GAD1: variants seen among roughly 807,000 people sequenced by gnomAD.
The protein encoded by GAD1 is 67 kDa glutamic acid decarboxylase.
In GAD1, 35 loss-of-function variants were observed where a neutral mutation model predicts 75.2. The observed-to-expected ratio is 0.47, with a 90% CI of 0.36 to 0.62. The LOEUF is 0.62. Ranked by LOEUF, GAD1 falls within the 20% of genes least tolerant of loss-of-function variation. The probability of loss-of-function intolerance (pLI) is 0.00; values close to 1 mark genes in which losing one functional copy is unlikely to be tolerated. For synonymous variants in GAD1, 257 were observed against 271.9 expected, an observed-to-expected ratio of 0.95 and a Z score of 0.54; for missense variants, 490 against 758.5, an observed-to-expected ratio of 0.65 and a Z score of 4.16.
chr2:170,822,242 G>A (rs1031855709), intron 3 of GAD1, 93 bp downstream of exon 3: 7 of 1,020,242 alleles, frequency 6.9e-6, no homozygotes, highest in Non-Finnish European at 1.1e-5. Context: ...AGGGGGATCC[G>A]GGCTCATGGG....
intron 7 of GAD1, chr2:170,845,234 T>C (rs1263553040): frequency 5.8e-6 from 3 of 515,336 alleles, no homozygotes; most frequent in Non-Finnish European, 1.1e-5. Context: ...TATATTTCTG[T>C]CTAGACTTCA....
intron 6 of GAD1, 110 bp from the exon 7 acceptor site, chr2:170,843,935 A>G: frequency 1.4e-6 from 1 of 712,620 alleles, no homozygotes; most frequent in South Asian, 1.5e-5. Flanking sequence ...GGTTTGGAAC[A>G]GCTTTTTTTT....
rs1260439937 is a variant in GAD1, at chr2:170,853,768, GATTGC to G, written c.1264-102_1264-98del. 43 of 1,091,856 alleles carry G rather than the reference GATTGC, an allele frequency of 3.9e-5. 1 individual carries two copies. The Admixed American group carries it at 6.1e-4, about 16-fold the overall frequency. 67.6% of individuals were successfully genotyped at this position (1,091,856 alleles called of 1,614,324 possible). ...GGCCTCATAAAGACATCAGAAGAAA[GATTGC>G]ATATGACCCCAAGCCCCTCCTTCCA... On this transcript the variant is annotated intron_variant, in intron 13 of 16. Transcript: ENST00000358196. This position sits in a 1 kb window ranked among gnomAD's most constrained non-coding sequence, Gnocchi z 4.1.
chr2:170,822,491 G>GGTGC (rs982003064), intron 3 of GAD1, among the ~76,000 whole-genome samples: 22 of 152,220 alleles, frequency 1.4e-4, no homozygotes, highest in Non-Finnish European at 2.8e-4. Context: ...GCTCCCACCC[G>GGTGC]GTGCCGTGCA....
chr2:170,859,220 A>G (rs1468431406), intron 16 of GAD1, among the ~76,000 whole-genome samples: 2 of 152,228 alleles, frequency 1.3e-5, no homozygotes. Context: ...TGTGTCTGTT[A>G]CAATAACATT....
intron 12 of GAD1, among the ~76,000 whole-genome samples, chr2:170,851,116 A>G (rs1373374706): frequency 6.6e-6 from 1 of 152,234 alleles, no homozygotes; most frequent in Admixed American, 6.5e-5. Context: ...AGGAAAACTT[A>G]AAACATTTCA....
intron 3 of GAD1, chr2:170,828,910 CT>C (rs1183611608): frequency 1.9e-5 from 4 of 211,206 alleles, no homozygotes; most frequent in Non-Finnish European, 2.9e-5. Context: ...TCTCCTTCCT[CT>C]GCTGTCCTCA....
intron 4 of GAD1, 64 bp from the exon 5 acceptor site, chr2:170,830,886 C>G (rs1575431314): frequency 6.2e-7 from 1 of 1,607,718 alleles, no homozygotes; most frequent in African/African-American, 1.3e-5. Flanking sequence ...TATTAGGGGT[C>G]TCTGGGCTGA....
At position 170,845,890 on chromosome 2, in the gene GAD1, C is replaced by T. The variant is rs189949060; in HGVS notation, c.947+105C>T. 271 of 1,444,848 alleles carry T rather than the reference C, an allele frequency of 1.9e-4. 1 individual carries two copies. In the African/African-American group the frequency reaches 3.1e-3, roughly 17 times the overall value. 89.5% of individuals were successfully genotyped at this position (1,444,848 alleles called of 1,614,324 possible). On this transcript the variant is annotated intron_variant, in intron 9 of 16. Transcript: ENST00000358196. ...GACTGGCTCAGTACATTGTGCCAAG[C>T]TGCTAATGGTCTGTTGAAAATATCC...
chr2:170,848,496 CAAA>C (rs368907107), intron 11 of GAD1, among the ~76,000 whole-genome samples: 7 of 64,046 alleles, frequency 1.1e-4, no homozygotes, highest in Admixed American at 1.5e-4. Flanking sequence ...AACTCTGTCT[CAAA>C]AAAAAAAAAA....
At position 170,818,285 on chromosome 2, in the gene GAD1, C is replaced by T. The variant is rs1436047599; in HGVS notation, c.-63-244C>T. 3 of 396,720 alleles carry T rather than the reference C, an allele frequency of 7.6e-6. No homozygotes were observed. Among genetic ancestry groups the T allele is most frequent in the Non-Finnish European group, 1.4e-5 (3 of 214,298 alleles). 24.6% of individuals were successfully genotyped at this position (396,720 alleles called of 1,614,324 possible). A position where few individuals can be genotyped will look rare whatever the true frequency, so the allele number is the denominator to read the frequency against. On this transcript the variant is annotated intron_variant, in intron 1 of 16. Transcript: ENST00000358196. This position sits in a 1 kb window ranked among gnomAD's most constrained non-coding sequence, Gnocchi z 5.9. ...CTTCACTCCAGGTCGCGCCGATGCA[C>T]CGCCAGACTCGAGAGCGGCCCAGGG... is the stretch of plus-strand genomic sequence containing the variant.
At position 170,831,086 on chromosome 2, in the gene GAD1, G is replaced by C; in HGVS notation, c.441G>C (p.Leu147Phe). The C allele has an allele frequency of 6.2e-7, 1 of 1,614,184 alleles. No homozygotes were observed. Among genetic ancestry groups the C allele is most frequent in the Non-Finnish European group, 8.5e-7 (1 of 1,180,032 alleles). The part of the protein sequence containing the change: ...KVLDFHHPHQ[L>F]LEGMEGFNLE... ...TGGACTTTCATCACCCACACCAGTTGCTGGAAGGCATGGAGGGCTTCAACT... is the reference window on the plus strand; with the variant it reads ...TGGACTTTCATCACCCACACCAGTTCCTGGAAGGCATGGAGGGCTTCAACT... Residue 147 changes from leucine (L) to phenylalanine (F), a missense_variant, in exon 5 of 17, where the codon TTG becomes TTC. Leu to Phe is a conservative substitution (Grantham distance 22). Around this residue, in one of 3 missense-constraint regions of GAD1, gnomAD observed 165 missense variants for 216.4 expected, o/e 0.76. Coordinates refer to ENST00000358196, the MANE Select transcript of GAD1 (RefSeq NM_000817.3).
At chr2:170,825,733 C>T (rs925714865) in intron 3 of GAD1, among the ~76,000 whole-genome samples, 3 of 152,216 alleles carry the variant, frequency 2.0e-5, no homozygotes, top group Non-Finnish European at 4.4e-5. Flanking sequence ...TCTCCCCTTG[C>T]GGCTGGCCAG....
chr2:170,826,588 G>A (rs1395234403), intron 3 of GAD1, among the ~76,000 whole-genome samples: 1 of 141,824 alleles, frequency 7.1e-6, no homozygotes, highest in Non-Finnish European at 1.6e-5. Context: ...AAAAAAAGCT[G>A]TGGCATAACG....
In GAD1 at chr2:170,860,645, T is replaced by C. The variant is rs1265830821; in HGVS notation, c.*763T>C. 2 of 152,670 alleles carry C rather than the reference T, an allele frequency of 1.3e-5. No homozygotes were observed. Among genetic ancestry groups the C allele is most frequent in the Non-Finnish European group, 2.9e-5 (2 of 68,036 alleles). 9.5% of individuals were successfully genotyped at this position (152,670 alleles called of 1,614,324 possible). Reference sequence around the variant, plus strand: ...TCTTGTATTTTCTTCCCATTTGTAATGTATCTTATTTATATATGAAGTAAG... The same window carrying C: ...TCTTGTATTTTCTTCCCATTTGTAACGTATCTTATTTATATATGAAGTAAG... On this transcript the variant is annotated 3_prime_UTR_variant, in exon 17 of 17. Transcript: ENST00000358196.
intron 2 of GAD1, among the ~76,000 whole-genome samples, chr2:170,820,396 T>G (rs1490733057): frequency 6.6e-6 from 1 of 152,252 alleles, no homozygotes; most frequent in Non-Finnish European, 1.5e-5. Flanking sequence ...AAGCAGCACG[T>G]GTCCCAGGCA....
At chr2:170,828,620 C>A (rs1370721327) in intron 3 of GAD1, among the ~76,000 whole-genome samples, 2 of 90,864 alleles carry the variant, frequency 2.2e-5, no homozygotes, top group Non-Finnish European at 5.3e-5. Flanking sequence ...GTTGTCCTTG[C>A]CCTCCTCCCT....
chr2:170,825,659 G>C (rs1702007132), intron 3 of GAD1, among the ~76,000 whole-genome samples: 1 of 152,200 alleles, frequency 6.6e-6, no homozygotes, highest in Admixed American at 6.5e-5. Context: ...CTTTGAGTTT[G>C]GCAGCAGGGG....
rs1229335353 is a variant in GAD1 at position 170,852,800 on chromosome 2, C to T, written c.1263+8C>T. The T allele has an allele frequency of 8.7e-6, 14 of 1,613,012 alleles. No individual in the cohort carries two copies. Among genetic ancestry groups the T allele is most frequent in the African/African-American group, 1.3e-5 (1 of 74,886 alleles). ...ATTCTCGTCAAGGAAAAGGTCTGTA[C>T]TCCCTCCAAAGCTACACTGGGGCCC... On this transcript the variant is annotated splice_region_variant and intron_variant, in intron 13 of 16. Transcript: ENST00000358196.
Sources: allele counts gnomAD v4.1 joint callset (sites outside exome capture counted in the v4.1 genomes callset), GRCh38; gene constraint gnomAD v4.1.1; regional missense constraint gnomAD v4.1.1; non-coding constraint Gnocchi (gnomAD v3.1); transcripts MANE v1.5; gene names NCBI Gene and HGNC (gene_info 2026-07-23, HGNC 2026-07-21).